Variants in EXOC4 observed in about 807,000 individuals in gnomAD.
The protein encoded by EXOC4 is SEC8-like 1.
A neutral mutation model predicts 107.2 loss-of-function variants in EXOC4; 71 were observed. That is an observed-to-expected ratio of 0.66 (90% CI 0.55 to 0.81). The LOEUF (loss-of-function observed/expected upper bound fraction) is 0.81, where lower values mean the gene tolerates loss of function less well. Among genes scored for constraint, EXOC4 ranks in the 30% least tolerant of loss-of-function variants. EXOC4 has a pLI of 0.00. For missense variants in EXOC4, 1,108 were observed against 1,189.6 expected, an observed-to-expected ratio of 0.93 and a Z score of 1.01; for synonymous variants, 456 against 441.2, an observed-to-expected ratio of 1.03 and a Z score of -0.42.
intron 15 of EXOC4, among the ~76,000 whole-genome samples, chr7:134,003,061 A>G (rs1290769191): frequency 6.6e-6 from 1 of 152,198 alleles, no homozygotes; most frequent in Non-Finnish European, 1.5e-5. Flanking sequence ...CTAAACCTGG[A>G]AAGAATCTAA....
chr7:133,873,254 G>A (rs1322186733), intron 11 of EXOC4, among the ~76,000 whole-genome samples: 1 of 152,156 alleles, frequency 6.6e-6, no homozygotes, highest in African/African-American at 2.4e-5. Context: ...ACAAATAAAA[G>A]CAAAAGTTCC....
At chr7:133,319,075 G>A (rs909350202) in intron 5 of EXOC4, among the ~76,000 whole-genome samples, 5 of 152,048 alleles carry the variant, frequency 3.3e-5, no homozygotes, top group African/African-American at 1.2e-4. Flanking sequence ...TTACATCTTT[G>A]CTTTTTTGTA....
At chr7:133,807,597 A>C (rs2151202638) in intron 10 of EXOC4, among the ~76,000 whole-genome samples, 1 of 152,326 alleles carries the variant, frequency 6.6e-6, no homozygotes, top group East Asian at 1.9e-4. Context: ...TTCTGAAAAA[A>C]AAATAAAGAA....
chr7:133,769,290 T>C (rs1439234437), intron 10 of EXOC4, among the ~76,000 whole-genome samples: 1 of 151,866 alleles, frequency 6.6e-6, no homozygotes, highest in Non-Finnish European at 1.5e-5. Flanking sequence ...GTTTTTTTTT[T>C]AAGTGTTGAA....
chr7:133,504,598 G>A (rs1050283432), intron 9 of EXOC4, among the ~76,000 whole-genome samples: 2 of 152,104 alleles, frequency 1.3e-5, no homozygotes, highest in African/African-American at 4.8e-5. Context: ...GATGACAGAT[G>A]TGCAAGAAGG....
At chr7:134,085,113 A>G in the EXOC4 span, among the ~76,000 whole-genome samples, 1,703 of 152,246 alleles carry the variant, frequency 0.011, 16 homozygotes, top group Non-Finnish European at 0.017. Context: ...TAGGTTTTTA[A>G]TCTTGTCCAC....
At chr7:133,906,242 A>G (rs1283871532) in intron 12 of EXOC4, among the ~76,000 whole-genome samples, 2 of 152,166 alleles carry the variant, frequency 1.3e-5, no homozygotes, top group Non-Finnish European at 2.9e-5. Flanking sequence ...CCAGGGTCCT[A>G]TAGGAATGAG....
the EXOC4 span, among the ~76,000 whole-genome samples, chr7:134,094,119 TCAA>T: frequency 6.6e-6 from 1 of 151,948 alleles, no homozygotes; most frequent in Admixed American, 6.6e-5. Flanking sequence ...ATACAAAGAA[TCAA>T]CAAAACCAAA....
At chr7:133,916,077 T>A (rs1200099302) in intron 12 of EXOC4, among the ~76,000 whole-genome samples, 2 of 152,192 alleles carry the variant, frequency 1.3e-5, no homozygotes, top group East Asian at 3.9e-4. Context: ...ACTGGGGTGA[T>A]GTTTTGGGTG....
At chr7:133,863,597 C>T (rs1317170694) in intron 11 of EXOC4, among the ~76,000 whole-genome samples, 2 of 152,136 alleles carry the variant, frequency 1.3e-5, no homozygotes, top group Non-Finnish European at 2.9e-5. Flanking sequence ...GCAGTGTTCT[C>T]TATCTTGATT....
At chr7:133,490,487 G>C (rs1799351505) in intron 9 of EXOC4, among the ~76,000 whole-genome samples, 2 of 152,310 alleles carry the variant, frequency 1.3e-5, no homozygotes, top group Non-Finnish European at 2.9e-5. Flanking sequence ...TAAAGAAATT[G>C]AGGCAAGCAT....
chr7:133,728,205 G>A (rs1392884007), intron 10 of EXOC4, among the ~76,000 whole-genome samples: 3 of 152,222 alleles, frequency 2.0e-5, no homozygotes, highest in Non-Finnish European at 2.9e-5. Flanking sequence ...ATCAGGTGGA[G>A]AGAGAAAGTT....
intron 17 of EXOC4, among the ~76,000 whole-genome samples, chr7:134,008,996 T>C (rs1282707494): frequency 1.3e-5 from 2 of 152,136 alleles, no homozygotes; most frequent in Non-Finnish European, 2.9e-5. Flanking sequence ...AATTTTTTTC[T>C]CTCTTCATTT....
In EXOC4 at chr7:133,351,218, C is replaced by T. The variant is rs550936418; in HGVS notation, c.764-5112C>T. ...TTTGGTATCAGGGCAATGCTGGCCT[C>T]ATAGAATAACTTAGGAAGTTTTATT... On this transcript the variant is annotated intron_variant, in intron 5 of 17. Coordinates refer to ENST00000253861, the MANE Select transcript of EXOC4 (RefSeq NM_021807.4). Among the ~76,000 whole-genome samples the T allele has an allele frequency of 2.0e-5, 3 of 152,086 alleles. No homozygotes were observed. In the East Asian group the frequency reaches 5.8e-4, roughly 29 times the overall value.
chr7:134,006,111 C>T (rs960430278), intron 16 of EXOC4, among the ~76,000 whole-genome samples: 3 of 152,122 alleles, frequency 2.0e-5, no homozygotes, highest in Non-Finnish European at 2.9e-5. Context: ...GTTATTACAC[C>T]GAGTTTCCTC....
chr7:133,661,976 A>ATG (rs1793702250), intron 10 of EXOC4, among the ~76,000 whole-genome samples: 1 of 152,158 alleles, frequency 6.6e-6, no homozygotes, highest in East Asian at 1.9e-4. Flanking sequence ...TATGCTTAAT[A>ATG]TGTGCCAATC....
At chr7:133,844,541 C>A (rs1447783650) in intron 11 of EXOC4, among the ~76,000 whole-genome samples, 1 of 151,742 alleles carries the variant, frequency 6.6e-6, no homozygotes, top group East Asian at 1.9e-4. Flanking sequence ...AGGCATGCAC[C>A]ACCACACCCA....
At chr7:133,343,290 C>T (rs1452970442) in intron 5 of EXOC4, among the ~76,000 whole-genome samples, 1 of 152,082 alleles carries the variant, frequency 6.6e-6, no homozygotes, top group Non-Finnish European at 1.5e-5. Context: ...ATTGTTATTG[C>T]TCTTCTGGGT....
At chr7:133,562,285 C>T (rs1224737019) in intron 9 of EXOC4, among the ~76,000 whole-genome samples, 1 of 152,142 alleles carries the variant, frequency 6.6e-6, no homozygotes, top group Non-Finnish European at 1.5e-5. Flanking sequence ...GGGTTGGTTT[C>T]TGCTCCTATG....
Sources: allele counts gnomAD v4.1 joint callset (sites outside exome capture counted in the v4.1 genomes callset), GRCh38; gene constraint gnomAD v4.1.1; transcripts MANE v1.5; gene names NCBI Gene and HGNC (gene_info 2026-07-23, HGNC 2026-07-21).